CPLANE1: variants seen among roughly 807,000 people sequenced by gnomAD.
The protein encoded by CPLANE1 is ciliogenesis and planar polarity effector 1.
Under a neutral mutation model 362.5 loss-of-function variants are expected in CPLANE1, and 263 were observed. The observed-to-expected ratio is 0.73, with a 90% CI of 0.66 to 0.80. The LOEUF (loss-of-function observed/expected upper bound fraction) is 0.80. Ranked by LOEUF, CPLANE1 falls within the 30% of genes least tolerant of loss-of-function variation. CPLANE1 has a pLI of 0.00. For synonymous variants in CPLANE1, 1,212 were observed against 1,302.6 expected, an observed-to-expected ratio of 0.93 and a Z score of 1.50; for missense variants, 3,461 against 3,793.4, an observed-to-expected ratio of 0.91 and a Z score of 2.30.
At chr5:37,115,789 G>T (rs1291731921) in intron 50 of CPLANE1, among the ~76,000 whole-genome samples, 1 of 150,976 alleles carries the variant, frequency 6.6e-6, no homozygotes, top group East Asian at 2.0e-4. Context: ...GTAGAGACGG[G>T]GTTTCACCAT....
chr5:37,201,025 T>C (rs997765851), intron 19 of CPLANE1, among the ~76,000 whole-genome samples: 2 of 152,172 alleles, frequency 1.3e-5, no homozygotes, highest in East Asian at 3.9e-4. Context: ...GGTTTCGCCA[T>C]GTTGCCCAGG....
intron 7 of CPLANE1, 130 bp downstream of exon 7, chr5:37,239,580 CAAA>C (rs10591482): frequency 0.015 from 4,583 of 301,130 alleles, no homozygotes; most frequent in Middle Eastern, 0.031. Flanking sequence ...GAGACCCTGT[CAAA>C]AAAAAAAAAA....
At chr5:37,225,236 G>A (rs531886059) in intron 12 of CPLANE1, among the ~76,000 whole-genome samples, 1 of 151,500 alleles carries the variant, frequency 6.6e-6, no homozygotes, top group African/African-American at 2.4e-5. Context: ...CAGGTAGCTG[G>A]GACCACAGGT....
intron 9 of CPLANE1, among the ~76,000 whole-genome samples, chr5:37,228,980 G>C (rs1398534670): frequency 6.6e-6 from 1 of 152,054 alleles, no homozygotes; most frequent in Non-Finnish European, 1.5e-5. Flanking sequence ...TGTCATTTTT[G>C]GGAGGCTGAG....
chr5:37,243,301 C>T (rs1453310306), intron 5 of CPLANE1, among the ~76,000 whole-genome samples, 182 bp from the exon 6 acceptor site: 1 of 152,108 alleles, frequency 6.6e-6, no homozygotes, highest in Admixed American at 6.6e-5. Flanking sequence ...AGGCAGGTCT[C>T]AAATGGGTAA....
chr5:37,080,943 A>G, the CPLANE1 span, among the ~76,000 whole-genome samples: 2 of 152,240 alleles, frequency 1.3e-5, no homozygotes, highest in African/African-American at 4.8e-5. Context: ...AACTGCCTAC[A>G]TGAATAAAAA....
intron 29 of CPLANE1, among the ~76,000 whole-genome samples, chr5:37,179,054 C>T (rs1781996169): frequency 1.3e-5 from 2 of 152,230 alleles, no homozygotes; most frequent in South Asian, 2.1e-4. Context: ...AGTTGCCATG[C>T]TTGGCCATAC....
At chr5:37,088,403 A>G in the CPLANE1 span, among the ~76,000 whole-genome samples, 2 of 152,302 alleles carry the variant, frequency 1.3e-5, no homozygotes, top group East Asian at 3.9e-4. Flanking sequence ...GGCCTCCTAA[A>G]GTGAAAAGGG....
At position 37,162,517 on chromosome 5, in the gene CPLANE1, A is replaced by C; in HGVS notation, c.7638T>G (p.Ser2546=). ...NTSAGLHFMA[S]VKKKAIGSQD... is the part of the protein sequence containing the mutation. ...GACTTCCTATAGCTTTCTTTTTTACAGAGGCCATGAAATGCAATCCAGCTG... is the reference window on the plus strand; with the variant it reads ...GACTTCCTATAGCTTTCTTTTTTACCGAGGCCATGAAATGCAATCCAGCTG... Residue 2546 remains serine, a synonymous_variant, in exon 38 of 53, where the codon TCT becomes TCG. Transcript: ENST00000651892. 1 of 1,613,078 alleles carries C rather than the reference A, an allele frequency of 6.2e-7. No homozygotes were observed. Among genetic ancestry groups the C allele is most frequent in the East Asian group, 2.2e-5 (1 of 44,866 alleles).
At chr5:37,140,544 T>C (rs1159770937) in intron 44 of CPLANE1, 5 of 985,270 alleles carry the variant, frequency 5.1e-6, no homozygotes, top group African/African-American at 1.7e-5. Context: ...TAATCCTATG[T>C]ACTTAGGAAA....
chr5:37,124,264 ATAAACTGTAATC>A (rs36204722), intron 47 of CPLANE1, among the ~76,000 whole-genome samples: 152,086 of 152,094 alleles, frequency 1, 76,039 homozygotes, highest in Middle Eastern at 1. Flanking sequence ...AAAGTAAAAG[ATAAACTGTAATC>A]TAAACTGTAA....
At chr5:37,148,734 T>A (rs983389539) in intron 42 of CPLANE1, among the ~76,000 whole-genome samples, 1 of 152,182 alleles carries the variant, frequency 6.6e-6, no homozygotes, top group Admixed American at 6.5e-5. Flanking sequence ...TACATTATAA[T>A]AATGTGAGAG....
chr5:37,235,822 G>A (rs1216558664), intron 8 of CPLANE1, among the ~76,000 whole-genome samples: 1 of 150,584 alleles, frequency 6.6e-6, no homozygotes, highest in African/African-American at 2.4e-5. Flanking sequence ...CGCCCACCTT[G>A]GCCTCCCAAA....
intron 20 of CPLANE1, among the ~76,000 whole-genome samples, chr5:37,198,193 C>T (rs1788094278): frequency 6.6e-6 from 1 of 152,160 alleles, no homozygotes; most frequent in Admixed American, 6.5e-5. Context: ...GAAGCGACAG[C>T]TCAGCTGAAG....
intron 8 of CPLANE1, among the ~76,000 whole-genome samples, chr5:37,235,861 T>C (rs1798863846): frequency 6.9e-6 from 1 of 145,894 alleles, no homozygotes; most frequent in Non-Finnish European, 1.5e-5. Flanking sequence ...TGAGCCACTG[T>C]GCCCAGCACT....
intron 9 of CPLANE1, among the ~76,000 whole-genome samples, chr5:37,228,536 A>G (rs762578825): frequency 6.6e-6 from 1 of 152,226 alleles, no homozygotes; most frequent in Non-Finnish European, 1.5e-5. Flanking sequence ...AATAATGCCT[A>G]ACATGGAAAG....
At chr5:37,133,732 G>A (rs531345876) in intron 46 of CPLANE1, among the ~76,000 whole-genome samples, 1 of 152,192 alleles carries the variant, frequency 6.6e-6, no homozygotes, top group East Asian at 1.9e-4. Context: ...GAGATAATCT[G>A]AATTCTTATT....
chr5:37,197,159 A>G (rs751255110), intron 20 of CPLANE1, among the ~76,000 whole-genome samples: 2 of 152,138 alleles, frequency 1.3e-5, no homozygotes, highest in Non-Finnish European at 2.9e-5. Context: ...TTCTACAGAT[A>G]ACAGGCTGAT....
chr5:37,160,473 T>C (rs533982236), intron 38 of CPLANE1, among the ~76,000 whole-genome samples: 38 of 151,696 alleles, frequency 2.5e-4, no homozygotes, highest in Admixed American at 5.9e-4. Flanking sequence ...GGTAGGAGAA[T>C]TGCTTGAACC....
Sources: allele counts gnomAD v4.1 joint callset (sites outside exome capture counted in the v4.1 genomes callset), GRCh38; gene constraint gnomAD v4.1.1; transcripts MANE v1.5; gene names NCBI Gene and HGNC (gene_info 2026-07-23, HGNC 2026-07-21).